ALG6: variants seen among roughly 807,000 people sequenced by gnomAD.
The protein encoded by ALG6 is dolichyl pyrophosphate Man9GlcNAc2 alpha-1,3-glucosyltransferase.
Under a neutral mutation model 66.6 loss-of-function variants are expected in ALG6, and 46 were observed. The ratio of observed to expected loss-of-function variants is 0.69; its 90% confidence interval spans 0.55 to 0.88. The LOEUF (loss-of-function observed/expected upper bound fraction) is 0.88. ALG6 is among the 40% of genes least tolerant of loss of function. The probability of loss-of-function intolerance (pLI) is 0.00; values close to 1 mark genes in which losing one functional copy is unlikely to be tolerated. For missense variants in ALG6, 505 were observed against 586.8 expected, an observed-to-expected ratio of 0.86 and a Z score of 1.44; for synonymous variants, 185 against 203.7, an observed-to-expected ratio of 0.91 and a Z score of 0.78.
At chr1:63,373,013 C>CT (rs34293701) in intron 2 of ALG6, among the ~76,000 whole-genome samples, 9 of 146,860 alleles carry the variant, frequency 6.1e-5, no homozygotes, top group South Asian at 4.3e-4. Flanking sequence ...TTTTGTAAGA[C>CT]TTTTTTTTTT....
rs1644681391 is a variant in ALG6 at position 63,436,823 on chromosome 1, TTTC to T, written c.1330_1332del (p.Leu444del). The T allele has an allele frequency of 6.2e-7, 1 of 1,613,586 alleles. No individual in the cohort carries two copies. The highest frequency in any genetic ancestry group is 8.5e-7 in the Non-Finnish European group (1 of 1,179,692). ...TCAGTAATCCTTTTTTTCCTTGCAG[TTTC>T]TTATCTCAGTCATCACTATGGTGCT... On this transcript the variant is annotated inframe_deletion and splice_region_variant, in exon 15 of 15. Transcript: ENST00000263440.
chr1:63,389,377 G>A (rs1648599302), intron 2 of ALG6, among the ~76,000 whole-genome samples: 1 of 152,104 alleles, frequency 6.6e-6, no homozygotes, highest in Non-Finnish European at 1.5e-5. Flanking sequence ...AGACTCTGAT[G>A]CATTCCACAG....
At chr1:63,396,660 T>A in intron 3 of ALG6, 63 bp downstream of exon 3, 1 of 1,395,306 alleles carries the variant, frequency 7.2e-7, no homozygotes, top group Non-Finnish European at 1.0e-6. Context: ...TTGAAAATAT[T>A]AAAGGGACAA....
At chr1:63,373,580 G>A (rs1006423473) in intron 2 of ALG6, among the ~76,000 whole-genome samples, 2 of 149,498 alleles carry the variant, frequency 1.3e-5, no homozygotes, top group Non-Finnish European at 3.0e-5. Flanking sequence ...GGGCGACAGA[G>A]CAAGACTCTG....
intron 3 of ALG6, among the ~76,000 whole-genome samples, chr1:63,399,863 A>G (rs1341843799): frequency 6.6e-6 from 1 of 151,998 alleles, no homozygotes; most frequent in Non-Finnish European, 1.5e-5. Context: ...ATACATTTCA[A>G]TGTATAAATA....
intron 3 of ALG6, among the ~76,000 whole-genome samples, chr1:63,398,767 G>T (rs1293877625): frequency 6.6e-6 from 1 of 152,138 alleles, no homozygotes; most frequent in East Asian, 1.9e-4. Flanking sequence ...GAGCCACCGT[G>T]CCTGGCCGAT....
intron 2 of ALG6, among the ~76,000 whole-genome samples, chr1:63,381,023 A>G (rs1036162019): frequency 6.6e-6 from 1 of 152,240 alleles, no homozygotes; most frequent in Non-Finnish European, 1.5e-5. Context: ...TATGCTAAAC[A>G]TTAAGAAAAA....
At chr1:63,374,356 C>G (rs895972657) in intron 2 of ALG6, among the ~76,000 whole-genome samples, 2 of 151,996 alleles carry the variant, frequency 1.3e-5, no homozygotes, top group African/African-American at 4.8e-5. Context: ...TTGGCCGGGC[C>G]GTGGCTCACG....
intron 2 of ALG6, among the ~76,000 whole-genome samples, chr1:63,388,496 G>A (rs1441666455): frequency 6.6e-6 from 1 of 152,052 alleles, no homozygotes; most frequent in Non-Finnish European, 1.5e-5. Flanking sequence ...TTATTCCCCT[G>A]CTTTTTAACT....
rs1644579001 is a variant in ALG6, at chr1:63,422,159, A to C, written c.1058+2719A>C. On this transcript the variant is annotated intron_variant, in intron 12 of 14. Coordinates refer to ENST00000263440, the MANE Select transcript of ALG6 (RefSeq NM_013339.4). Reference sequence around the variant, plus strand: ...TATAAATATATATAAATATAAATATATATATAACTATGAATTTATATTTAT... The same window carrying C: ...TATAAATATATATAAATATAAATATCTATATAACTATGAATTTATATTTAT... Among the ~76,000 whole-genome samples the C allele has an allele frequency of 1.7e-4, 19 of 112,294 alleles. 1 individual carries two copies. Among genetic ancestry groups the C allele is most frequent in the Admixed American group, 6.9e-4 (6 of 8,736 alleles). 73.7% of individuals were successfully genotyped at this position (112,294 alleles called of 152,430 possible).
intron 14 of ALG6, among the ~76,000 whole-genome samples, chr1:63,436,253 C>T (rs937741538): frequency 2.0e-5 from 3 of 152,024 alleles, no homozygotes; most frequent in African/African-American, 4.8e-5. Context: ...AAGATCAAAT[C>T]GGGGTAACTG....
At chr1:63,393,294 T>A (rs989880290) in intron 2 of ALG6, among the ~76,000 whole-genome samples, 3 of 152,192 alleles carry the variant, frequency 2.0e-5, no homozygotes, top group African/African-American at 4.8e-5. Context: ...CTTAAAAAAA[T>A]TTTTATTATT....
intron 9 of ALG6, 200 bp from the exon 10 acceptor site, chr1:63,413,861 T>C (rs1168854360): frequency 4.1e-6 from 2 of 493,784 alleles, no homozygotes; most frequent in Non-Finnish European, 7.3e-6. Flanking sequence ...TTTGATCAAC[T>C]GCCCTGCACA....
At chr1:63,422,584 C>T (rs1391166623) in intron 12 of ALG6, among the ~76,000 whole-genome samples, 1 of 150,280 alleles carries the variant, frequency 6.7e-6, no homozygotes, top group Admixed American at 6.7e-5. Context: ...TTTGCCTTAG[C>T]AATATGGAAG....
At chr1:63,407,674 A>T (rs1458454410) in intron 7 of ALG6, among the ~76,000 whole-genome samples, 1 of 152,032 alleles carries the variant, frequency 6.6e-6, no homozygotes, top group Non-Finnish European at 1.5e-5. Flanking sequence ...TATCTATCTA[A>T]TTTGTCTTAT....
At chr1:63,394,804 G>A (rs1285126335) in intron 2 of ALG6, among the ~76,000 whole-genome samples, 8 of 152,024 alleles carry the variant, frequency 5.3e-5, no homozygotes, top group Admixed American at 4.6e-4. Context: ...TGCTTATTAC[G>A]TGAATGGCCA....
intron 1 of ALG6, among the ~76,000 whole-genome samples, chr1:63,370,380 C>T (rs933746034): frequency 5.9e-5 from 9 of 152,120 alleles, no homozygotes; most frequent in Non-Finnish European, 1.3e-4. Flanking sequence ...AGACAAGATT[C>T]CTCTTTCTCG....
intron 2 of ALG6, among the ~76,000 whole-genome samples, chr1:63,373,658 AT>A (rs34012518): frequency 0.11 from 14,116 of 130,908 alleles, 612 homozygotes; most frequent in Middle Eastern, 0.19. Flanking sequence ...TTTAATTTAC[AT>A]TTTTTTTTTT....
At chr1:63,385,494 A>G (rs1292781987) in intron 2 of ALG6, among the ~76,000 whole-genome samples, 1 of 152,074 alleles carries the variant, frequency 6.6e-6, no homozygotes, top group Non-Finnish European at 1.5e-5. Context: ...TACAGGCGTG[A>G]GCCACCACGC....
Sources: allele counts gnomAD v4.1 joint callset (sites outside exome capture counted in the v4.1 genomes callset), GRCh38; gene constraint gnomAD v4.1.1; transcripts MANE v1.5; gene names NCBI Gene and HGNC (gene_info 2026-07-23, HGNC 2026-07-21).